Variants in TAF1 observed in about 807,000 individuals in gnomAD.
The protein encoded by TAF1 is transcription initiation factor TFIID subunit 1.
A neutral mutation model predicts 138.5 loss-of-function variants in TAF1; 2 were observed. The observed-to-expected ratio is 0.01, with a 90% CI of 0.01 to 0.05. The LOEUF (loss-of-function observed/expected upper bound fraction) is 0.05. Among genes scored for constraint, TAF1 ranks in the 10% least tolerant of loss-of-function variants. TAF1 has a pLI of 1.00. For missense variants in TAF1, 709 were observed against 1,478.0 expected (o/e 0.48, Z 8.53); for synonymous variants, 437 against 503.2 (o/e 0.87, Z 1.76).
At chrX:71,524,542 G>C (rs981971849) in intron 13 of TAF1, among the ~76,000 whole-genome samples, 1 of 110,040 alleles carries the variant, frequency 9.1e-6, no homozygotes, top group African/African-American at 3.3e-5. Flanking sequence ...ATCTCAGTCT[G>C]ATCTCAAAAA....
intron 13 of TAF1, among the ~76,000 whole-genome samples, chrX:71,478,828 C>T (rs1203868523): frequency 5.3e-5 from 6 of 112,388 alleles, no homozygotes; most frequent in East Asian, 2.8e-4. Context: ...AGCCAATAAA[C>T]GTGAAAATGT....
At chrX:71,434,771 A>G (rs1378961824) in intron 32 of TAF1, among the ~76,000 whole-genome samples, 2 of 112,247 alleles carry the variant, frequency 1.8e-5, no homozygotes, top group Non-Finnish European at 1.9e-5. Context: ...GAACATTAAT[A>G]ATCAGGAAAG....
chrX:71,380,138 G>A (rs2033787026), intron 8 of TAF1, among the ~76,000 whole-genome samples: 1 of 111,136 alleles, frequency 9.0e-6, no homozygotes, highest in South Asian at 3.7e-4. Context: ...TGTTCTGTGT[G>A]TGTATGTAGT....
intron 13 of TAF1, among the ~76,000 whole-genome samples, chrX:71,493,344 G>A (rs750009126): frequency 4.5e-5 from 5 of 111,984 alleles, no homozygotes; most frequent in Non-Finnish European, 9.4e-5. Context: ...GATCTGATTG[G>A]CATGTCTCCA....
downstream of TAF1, chrX:71,466,480 C>A (rs752363278): frequency 8.9e-6 from 1 of 111,985 alleles, no homozygotes; most frequent in East Asian, 2.8e-4. Flanking sequence ...CGGGTTCAAG[C>A]GATTCTTGTG....
At chrX:71,439,863 A>C (rs1328007297) in intron 32 of TAF1, among the ~76,000 whole-genome samples, 1 of 112,111 alleles carries the variant, frequency 8.9e-6, no homozygotes, top group African/African-American at 3.2e-5. Flanking sequence ...TTCAATGGCA[A>C]TATCTTACAT....
chrX:71,514,736 G>A (rs1311304600), intron 13 of TAF1, among the ~76,000 whole-genome samples: 1 of 111,660 alleles, frequency 9.0e-6, no homozygotes, highest in African/African-American at 3.3e-5. Context: ...ATTAAGAGTC[G>A]GGAGGGAGAT....
intron 32 of TAF1, among the ~76,000 whole-genome samples, chrX:71,434,964 A>G (rs1602662341): frequency 8.9e-6 from 1 of 112,734 alleles, no homozygotes. Flanking sequence ...GAGCTACACA[A>G]TCTGTGGCTA....
chrX:71,478,026 G>C (rs990514278), intron 13 of TAF1, among the ~76,000 whole-genome samples: 4 of 110,699 alleles, frequency 3.6e-5, no homozygotes, highest in African/African-American at 6.6e-5. Context: ...TTCATCATAA[G>C]ACATCATTTT....
intron 13 of TAF1, among the ~76,000 whole-genome samples, chrX:71,526,903 TAAAAA>T (rs775105697): frequency 1.1e-3 from 97 of 87,813 alleles, no homozygotes; most frequent in Middle Eastern, 0.012. Flanking sequence ...CCCAGTCTCT[TAAAAA>T]AAAAAAAAAA....
intron 28 of TAF1, among the ~76,000 whole-genome samples, chrX:71,418,366 A>C (rs1242460771): frequency 6.2e-5 from 7 of 112,601 alleles, no homozygotes; most frequent in African/African-American, 2.3e-4. Flanking sequence ...CAAAGTGTTG[A>C]GTTTACAGGC....
chrX:71,502,450 T>G (rs2039529572), intron 13 of TAF1, among the ~76,000 whole-genome samples: 1 of 112,214 alleles, frequency 8.9e-6, no homozygotes, highest in South Asian at 3.7e-4. Context: ...TACAGTCCTT[T>G]AGCTGGACAG....
rs746707011 is a variant in TAF1 at position 71,461,468 on chromosome X, G to A, written c.5399+665G>A. 1.3e-4 allele frequency among the ~76,000 whole-genome samples: 14 copies of A among 111,107 alleles called. No homozygotes were observed. The South Asian group carries it at 5.4e-3, about 43-fold the overall frequency. ...GACACATGATGAGGATATCAACAGG[G>A]ACTTGTCAGGAGTGGGGAAAATAAA... On this transcript the variant is annotated intron_variant, in intron 37 of 37. Coordinates refer to ENST00000423759, the MANE Select transcript of TAF1 (RefSeq NM_004606.5).
At chrX:71,442,283 C>T (rs2037469207) in intron 32 of TAF1, among the ~76,000 whole-genome samples, 1 of 112,424 alleles carries the variant, frequency 8.9e-6, no homozygotes, top group South Asian at 3.6e-4. Context: ...TTCCCACCAA[C>T]AGTGTAAAAG....
chrX:71,474,724 T>G (rs766205590), intron 13 of TAF1, among the ~76,000 whole-genome samples: 2 of 111,748 alleles, frequency 1.8e-5, no homozygotes, highest in Non-Finnish European at 3.8e-5. Flanking sequence ...AGGTGATGCA[T>G]TGAAGTAATT....
chrX:71,367,963 A>T, intron 2 of TAF1, 91 bp from the exon 3 acceptor site: 1 of 990,559 alleles, frequency 1.0e-6, no homozygotes, highest in Admixed American at 2.3e-5. Context: ...GAGCCACCGC[A>T]TCCAGCCTGT....
At chrX:71,412,746 G>A (rs2035862610) in intron 28 of TAF1, among the ~76,000 whole-genome samples, 1 of 111,850 alleles carries the variant, frequency 8.9e-6, no homozygotes, top group Admixed American at 9.5e-5. Context: ...TGCCACCCAC[G>A]CCTGGCTAAT....
In TAF1 at chrX:71,390,830, T is replaced by C. The variant is rs771864050; in HGVS notation, c.2781+1165T>C. 2.7e-5 allele frequency among the ~76,000 whole-genome samples: 3 copies of C among 111,237 alleles called. No homozygotes were observed. The East Asian group carries it at 8.5e-4, about 32-fold the overall frequency. On this transcript the variant is annotated intron_variant, in intron 18 of 37. Coordinates refer to ENST00000423759, the MANE Select transcript of TAF1 (RefSeq NM_004606.5). Reference sequence around the variant, plus strand: ...GGCCAACATGGTGAAACCCTGACTCTACTAAAAATACAAAATGAGCCGGGC... The same window carrying C: ...GGCCAACATGGTGAAACCCTGACTCCACTAAAAATACAAAATGAGCCGGGC...
intron 13 of TAF1, among the ~76,000 whole-genome samples, chrX:71,475,876 C>T (rs187439613): frequency 1.4e-4 from 15 of 110,917 alleles, no homozygotes; most frequent in African/African-American, 4.9e-4. Flanking sequence ...TTAGCATCAT[C>T]CCCTTGGTGA....
Sources: allele counts gnomAD v4.1 joint callset (sites outside exome capture counted in the v4.1 genomes callset), GRCh38; gene constraint gnomAD v4.1.1; transcripts MANE v1.5; gene names NCBI Gene and HGNC (gene_info 2026-07-23, HGNC 2026-07-21).